Variants in GALNT11 observed in about 807,000 individuals in gnomAD.
GALNT11 encodes the protein UDP-GalNAc:polypeptide N-acetylgalactosaminyltransferase 11.
Under a neutral mutation model 72.7 loss-of-function variants are expected in GALNT11, and 47 were observed. The observed-to-expected ratio is 0.65, with a 90% CI of 0.51 to 0.82. The LOEUF (loss-of-function observed/expected upper bound fraction) is 0.82, where lower values mean the gene tolerates loss of function less well. Among genes scored for constraint, GALNT11 ranks in the 40% least tolerant of loss-of-function variants. The probability of loss-of-function intolerance (pLI) is 0.00; values close to 1 mark genes in which losing one functional copy is unlikely to be tolerated. For missense variants in GALNT11, 677 were observed against 778.4 expected, an observed-to-expected ratio of 0.87 and a Z score of 1.55; for synonymous variants, 270 against 286.6, an observed-to-expected ratio of 0.94 and a Z score of 0.58.
intron 10 of GALNT11, chr7:152,119,541 A>T: frequency 6.6e-6 from 1 of 152,260 alleles, no homozygotes; most frequent in South Asian, 2.1e-4. Context: ...GGTCACGCCC[A>T]CTGTCTCAGG....
At position 152,113,344 on chromosome 7, in the gene GALNT11, C is replaced by G; in HGVS notation, c.1179C>G (p.Asp393Glu). 6.2e-7 allele frequency: 1 copy of G among 1,614,094 alleles called. No individual in the cohort carries two copies. The highest frequency in any genetic ancestry group is 8.5e-7 in the Non-Finnish European group (1 of 1,180,016). The change falls in exon 8 of 12, where the codon GAC becomes GAG. Residue 393 changes from aspartate to glutamate, a missense_variant. Physicochemically the swap from Asp to Glu is conservative, Grantham distance 45 (BLOSUM62 2). Coordinates refer to ENST00000430044, the MANE Select transcript of GALNT11 (RefSeq NM_022087.4). ...RRPYGSPEGQ[D>E]TMTHNSLRLA... ...CATATGGATCTCCCGAAGGCCAGGA[C>G]ACCATGACACACAACTCTTTGCGGC...
At chr7:152,032,068 C>CT (rs1463141260) in intron 1 of GALNT11, among the ~76,000 whole-genome samples, 1 of 152,178 alleles carries the variant, frequency 6.6e-6, no homozygotes, top group Non-Finnish European at 1.5e-5. Context: ...ACCTAGATGC[C>CT]TTGTACCCTT....
intron 1 of GALNT11, among the ~76,000 whole-genome samples, chr7:152,059,324 A>G (rs1004378966): frequency 6.6e-6 from 1 of 151,246 alleles, no homozygotes; most frequent in African/African-American, 2.4e-5. Context: ...CTGGTCTTGA[A>G]CTCTAGGCCT....
chr7:152,111,824 T>G (rs917720449), intron 7 of GALNT11, among the ~76,000 whole-genome samples: 8 of 152,164 alleles, frequency 5.3e-5, no homozygotes, highest in African/African-American at 1.9e-4. Flanking sequence ...ACCATCCTAG[T>G]TCATACCTGT....
At chr7:152,043,431 G>A (rs1385578665) in intron 1 of GALNT11, among the ~76,000 whole-genome samples, 1 of 152,226 alleles carries the variant, frequency 6.6e-6, no homozygotes, top group East Asian at 1.9e-4. Context: ...AATGGCCTGA[G>A]CCAGAAATGC....
At chr7:152,062,136 C>T (rs879608592) in intron 1 of GALNT11, among the ~76,000 whole-genome samples, 9 of 152,078 alleles carry the variant, frequency 5.9e-5, no homozygotes, top group Non-Finnish European at 1.3e-4. Context: ...TGTTTGTGTC[C>T]TCTTTTATTT....
At chr7:152,064,825 G>A (rs910051595) in intron 1 of GALNT11, among the ~76,000 whole-genome samples, 1 of 152,244 alleles carries the variant, frequency 6.6e-6, no homozygotes, top group South Asian at 2.1e-4. Flanking sequence ...GAGATCCGCT[G>A]TTAGTCTGAT....
chr7:152,118,048 G>A (rs2089052708), intron 9 of GALNT11: 1 of 152,754 alleles, frequency 6.5e-6, no homozygotes, highest in Non-Finnish European at 1.5e-5. Flanking sequence ...TTCTCCCAGA[G>A]CAGTGTCAAC....
intron 1 of GALNT11, chr7:152,027,559 T>C (rs1190834837): frequency 6.6e-6 from 1 of 152,614 alleles, no homozygotes; most frequent in East Asian, 1.9e-4. Context: ...ATGGGTTTTA[T>C]AATAGCATCA....
At chr7:152,089,308 T>C (rs1299049108) in intron 1 of GALNT11, among the ~76,000 whole-genome samples, 1 of 152,212 alleles carries the variant, frequency 6.6e-6, no homozygotes, top group East Asian at 1.9e-4. Flanking sequence ...GTTTGTTATA[T>C]GTAAAATGTT....
chr7:152,086,878 G>A (rs2129029199), intron 1 of GALNT11, among the ~76,000 whole-genome samples: 1 of 152,230 alleles, frequency 6.6e-6, no homozygotes, highest in South Asian at 2.1e-4. Flanking sequence ...AAATAAACAT[G>A]GCTGTTGTTC....
intron 5 of GALNT11, among the ~76,000 whole-genome samples, chr7:152,107,057 CTG>C (rs1160443548): frequency 2.6e-5 from 4 of 152,138 alleles, no homozygotes; most frequent in Admixed American, 6.5e-5. Context: ...TCATTGAAAA[CTG>C]TCTGAGATAC....
intron 1 of GALNT11, among the ~76,000 whole-genome samples, chr7:152,057,093 G>A (rs2083726416): frequency 6.7e-6 from 1 of 148,414 alleles, no homozygotes; most frequent in Admixed American, 6.9e-5. Flanking sequence ...CTGGGCTCAA[G>A]CTGTGTGCCT....
intron 9 of GALNT11, chr7:152,117,627 G>T: frequency 1.9e-6 from 1 of 526,690 alleles, no homozygotes; most frequent in Admixed American, 3.4e-5. Flanking sequence ...CAAGAGCGCA[G>T]AGGCATATGG....
chr7:152,113,270 T>A lies in GALNT11; in HGVS notation c.1105T>A (p.Phe369Ile). The stretch of plus-strand genomic sequence containing the variant: ...GATCTGGATGTGTGGCGGTAAGCTC[T>A]TCATCATCCCTTGCTCTAGAGTAGG... ...FRIWMCGGKL[F>I]IIPCSRVGHI... The change falls in exon 8 of 12, where the codon TTC becomes ATC. Residue 369 changes from phenylalanine to isoleucine, a missense_variant. Phe to Ile is a conservative substitution (Grantham distance 21). Coordinates refer to ENST00000430044, the MANE Select transcript of GALNT11 (RefSeq NM_022087.4). 6.2e-7 allele frequency: 1 copy of A among 1,613,698 alleles called. No homozygotes were observed. The highest frequency in any genetic ancestry group is 1.7e-5 in the Admixed American group (1 of 59,962).
chr7:152,097,311 C>G (rs1034006976), intron 2 of GALNT11, among the ~76,000 whole-genome samples: 5 of 152,084 alleles, frequency 3.3e-5, no homozygotes, highest in African/African-American at 1.2e-4. Flanking sequence ...CATCTCACAC[C>G]CACTGGGAGG....
chr7:152,062,897 G>A (rs1042645822), intron 1 of GALNT11, among the ~76,000 whole-genome samples: 1 of 152,218 alleles, frequency 6.6e-6, no homozygotes, highest in African/African-American at 2.4e-5. Flanking sequence ...TTGCATCGGT[G>A]TTCATCAGGG....
intron 1 of GALNT11, among the ~76,000 whole-genome samples, chr7:152,091,089 C>G (rs927867893): frequency 6.6e-6 from 1 of 151,548 alleles, no homozygotes; most frequent in African/African-American, 2.4e-5. Flanking sequence ...ACTCTGTCGC[C>G]CAAGCTGGAA....
intron 3 of GALNT11, among the ~76,000 whole-genome samples, chr7:152,101,816 T>C (rs1453728563): frequency 1.3e-5 from 2 of 152,026 alleles, no homozygotes; most frequent in Admixed American, 1.3e-4. Context: ...ATAGTTTTAG[T>C]AGAGATAGGG....
Sources: gnomAD v4.1 joint callset for allele counts (sites outside exome capture counted in the v4.1 genomes callset) on GRCh38, gnomAD v4.1.1 for gene constraint, MANE v1.5 for transcripts, NCBI Gene and HGNC (gene_info 2026-07-23, HGNC 2026-07-21) for gene names.